Variants in KPNA3 observed in about 807,000 individuals in gnomAD.
KPNA3 encodes the protein karyopherin subunit alpha 3, also known as importin subunit alpha-4.
In KPNA3, 13 loss-of-function variants were observed where a neutral mutation model predicts 73.8. That is an observed-to-expected ratio of 0.18 (90% CI 0.11 to 0.28). The LOEUF is 0.28. Ranked by LOEUF, KPNA3 falls within the 10% of genes least tolerant of loss-of-function variation. KPNA3 has a pLI of 1.00. For synonymous variants in KPNA3, 186 were observed against 206.9 expected, an observed-to-expected ratio of 0.90 and a Z score of 0.87; for missense variants, 360 against 618.1, an observed-to-expected ratio of 0.58 and a Z score of 4.43.
intron 6 of KPNA3, 22 bp from the exon 7 acceptor site, chr13:49,725,523 T>C (rs771552259): frequency 6.8e-7 from 1 of 1,468,904 alleles, no homozygotes; most frequent in Non-Finnish European, 9.5e-7. Context: ...CAATAACACA[T>C]CTTTTTAGAC....
At chr13:49,784,213 TTC>T (rs1221883235) in intron 1 of KPNA3, among the ~76,000 whole-genome samples, 2 of 152,066 alleles carry the variant, frequency 1.3e-5, no homozygotes, top group African/African-American at 4.8e-5. Context: ...AACAGCAAGA[TTC>T]TGTCTCAAAA....
Position 49,700,312 on chromosome 13 carries a change from T to G in KPNA3, c.*1488A>C, listed in dbSNP as rs1313940773. Reference sequence around the variant, plus strand: ...GTAAATACACCCCCCAATGGATAACTAAATTAGTTTAGATTTTCTATCCCT... The same window carrying G: ...GTAAATACACCCCCCAATGGATAACGAAATTAGTTTAGATTTTCTATCCCT... On this transcript the variant is annotated 3_prime_UTR_variant, in exon 17 of 17. Transcript: ENST00000261667. The G allele has an allele frequency of 6.6e-6, 1 of 152,632 alleles. No homozygotes were observed. Among genetic ancestry groups the G allele is most frequent in the Non-Finnish European group, 1.5e-5 (1 of 68,030 alleles). The allele number at this position is 152,632 out of a possible 1,614,324, so 9.5% of individuals were successfully genotyped here. A position where few individuals can be genotyped will look rare whatever the true frequency, so the allele number is the denominator to read the frequency against.
At position 49,746,980 on chromosome 13, in the gene KPNA3, T is replaced by C; in HGVS notation, c.83A>G (p.His28Arg). The C allele has an allele frequency of 1.2e-6, 2 of 1,609,174 alleles. No homozygotes were observed. Among genetic ancestry groups the C allele is most frequent in the Non-Finnish European group, 1.7e-6 (2 of 1,176,010 alleles). Residue 28 changes from histidine (H) to arginine (R), a missense_variant, in exon 2 of 17, where the codon CAT becomes CGT. His to Arg is a conservative substitution (Grantham distance 29). This residue lies in a region of KPNA3 where 287 missense variants were observed against 549.1 expected (regional missense o/e 0.52). Coordinates refer to ENST00000261667, the MANE Select transcript of KPNA3 (RefSeq NM_002267.4). ...CAGTTCCACTGTCACTTCATTTCTA[T>C]GTCTTCGCATTGTCTAGAAAAGAAA... Reference protein sequence around the residue: ...KGRDVETMRRHRNEVTVELRK... With the variant: ...KGRDVETMRRRRNEVTVELRK...
At chr13:49,728,716 A>G (rs1347902432) in intron 6 of KPNA3, among the ~76,000 whole-genome samples, 1 of 152,244 alleles carries the variant, frequency 6.6e-6, no homozygotes, top group African/African-American at 2.4e-5. Context: ...GGGCCAAAGA[A>G]TGATAACACC....
intron 10 of KPNA3, among the ~76,000 whole-genome samples, chr13:49,715,911 A>C (rs1350862261): frequency 6.6e-6 from 1 of 152,268 alleles, no homozygotes; most frequent in African/African-American, 2.4e-5. Flanking sequence ...TAGTGTGTTT[A>C]AATAAACTGT....
intron 2 of KPNA3, among the ~76,000 whole-genome samples, chr13:49,744,847 C>T (rs1467219697): frequency 6.6e-6 from 1 of 152,140 alleles, no homozygotes; most frequent in African/African-American, 2.4e-5. Context: ...GAGCATGACA[C>T]TGATTTGCAA....
At chr13:49,773,098 T>C (rs1954868463) in intron 1 of KPNA3, among the ~76,000 whole-genome samples, 1 of 152,172 alleles carries the variant, frequency 6.6e-6, no homozygotes, top group Non-Finnish European at 1.5e-5. Context: ...TATTAAGTTT[T>C]AAAAAAATCA....
At chr13:49,707,892 T>G (rs545916799) in intron 12 of KPNA3, among the ~76,000 whole-genome samples, 4 of 152,178 alleles carry the variant, frequency 2.6e-5, no homozygotes, top group Non-Finnish European at 5.9e-5. Context: ...ATAGTTATGA[T>G]GACGAAGAAG....
rs528458410 is a variant in KPNA3, at chr13:49,722,256, G to A, written c.557-132C>T. On this transcript the variant is annotated intron_variant, in intron 8 of 16. Coordinates refer to ENST00000261667, the MANE Select transcript of KPNA3 (RefSeq NM_002267.4). ...CCATTAGTCAAAGGCATCAAGTGTT[G>A]TTTCTCCAGATTTTGATCTGGGGAA... 8 of 723,120 alleles carry A rather than the reference G, an allele frequency of 1.1e-5. No individual in the cohort carries two copies. In the East Asian group the frequency reaches 2.0e-4, roughly 18 times the overall value. The allele number at this position is 723,120 out of a possible 1,614,324, so 44.8% of individuals were successfully genotyped here.
intron 2 of KPNA3, among the ~76,000 whole-genome samples, chr13:49,739,333 G>A (rs1436756497): frequency 6.6e-5 from 10 of 152,146 alleles, no homozygotes; most frequent in East Asian, 1.9e-4. Context: ...AACCCACGAA[G>A]CATTATTCAA....
At chr13:49,785,629 T>C (rs1954976125) in intron 1 of KPNA3, among the ~76,000 whole-genome samples, 1 of 151,890 alleles carries the variant, frequency 6.6e-6, no homozygotes, top group South Asian at 2.1e-4. Flanking sequence ...GATAAAAGAA[T>C]CGTAGACAGA....
At chr13:49,709,810 T>C (rs547994161) in intron 11 of KPNA3, 110 bp from the exon 12 acceptor site, 9 of 870,860 alleles carry the variant, frequency 1.0e-5, no homozygotes, top group Admixed American at 3.2e-5. Context: ...ATAACACTTA[T>C]TTCATCCTTT....
At chr13:49,708,943 T>C (rs1954233421) in intron 12 of KPNA3, among the ~76,000 whole-genome samples, 1 of 152,172 alleles carries the variant, frequency 6.6e-6, no homozygotes, top group African/African-American at 2.4e-5. Flanking sequence ...ATCGGTTTGT[T>C]TAAAAAAATA....
chr13:49,792,360 C>G, intron 1 of KPNA3, 78 bp downstream of exon 1: 1 of 998,016 alleles, frequency 1.0e-6, no homozygotes, highest in Non-Finnish European at 1.3e-6. Flanking sequence ...AGAACCAGCC[C>G]GGCGCCGGCC....
At chr13:49,784,908 TATC>T (rs1954969420) in intron 1 of KPNA3, among the ~76,000 whole-genome samples, 1 of 152,206 alleles carries the variant, frequency 6.6e-6, no homozygotes, top group Non-Finnish European at 1.5e-5. Context: ...TAAAATACAT[TATC>T]ATAATTGCAA....
chr13:49,731,650 G>C (rs1425066717), intron 6 of KPNA3, among the ~76,000 whole-genome samples: 2 of 152,018 alleles, frequency 1.3e-5, no homozygotes, highest in African/African-American at 4.8e-5. Flanking sequence ...TTTCAGTCTA[G>C]ATGCTCTTAA....
chr13:49,712,446 A>G (rs1954268396), intron 10 of KPNA3, among the ~76,000 whole-genome samples: 1 of 152,180 alleles, frequency 6.6e-6, no homozygotes, highest in Non-Finnish European at 1.5e-5. Flanking sequence ...GGAAAAAAAA[A>G]TAAATGAACC....
chr13:49,700,116 A>C lies in KPNA3; in HGVS notation c.*1684T>G, dbSNP rs1175131491. 6.6e-6 allele frequency: 1 copy of C among 152,654 alleles called. No homozygotes were observed. The highest frequency in any genetic ancestry group is 1.5e-5 in the Non-Finnish European group (1 of 68,038). The allele number at this position is 152,654 out of a possible 1,614,324, so 9.5% of individuals were successfully genotyped here. A position where few individuals can be genotyped will look rare whatever the true frequency, so the allele number is the denominator to read the frequency against. ...CAAGTAAAAATCTTGCAGTTTAAAC[A>C]TACGCTTGTATCCACTTTAGATACA... On this transcript the variant is annotated 3_prime_UTR_variant, in exon 17 of 17. Coordinates refer to ENST00000261667, the MANE Select transcript of KPNA3 (RefSeq NM_002267.4).
chr13:49,733,098 A>G, intron 2 of KPNA3, 52 bp from the exon 3 acceptor site: 1 of 1,104,700 alleles, frequency 9.1e-7, no homozygotes, highest in Non-Finnish European at 1.4e-6. Context: ...ACTGTTAATG[A>G]AAAATCCATT....
Sources: allele counts gnomAD v4.1 joint callset (sites outside exome capture counted in the v4.1 genomes callset), GRCh38; gene constraint gnomAD v4.1.1; regional missense constraint gnomAD v4.1.1; transcripts MANE v1.5; gene names NCBI Gene and HGNC (gene_info 2026-07-23, HGNC 2026-07-21).